The following UBE2K variants were observed in gnomAD, a reference collection of about 807,000 sequenced individuals.
UBE2K encodes ubiquitin conjugating enzyme E2 K.
Under a neutral mutation model 30.0 loss-of-function variants are expected in UBE2K, and 6 were observed. That is an observed-to-expected ratio of 0.20 (90% CI 0.11 to 0.39). UBE2K has a LOEUF of 0.39. Ranked by LOEUF, UBE2K falls within the 10% of genes least tolerant of loss-of-function variation. The pLI is 1.00. For missense variants in UBE2K, 61 were observed against 241.6 expected, an observed-to-expected ratio of 0.25 and a Z score of 4.96; for synonymous variants, 86 against 83.7, an observed-to-expected ratio of 1.03 and a Z score of -0.15.
chr4:39,754,782 A>G (rs1487328534), intron 3 of UBE2K, among the ~76,000 whole-genome samples: 2 of 152,192 alleles, frequency 1.3e-5, no homozygotes, highest in Non-Finnish European at 2.9e-5. Context: ...TTGAGATTAC[A>G]GTGTGTGAGT....
chr4:39,704,541 T>G (rs1165606764), intron 1 of UBE2K, among the ~76,000 whole-genome samples: 1 of 151,950 alleles, frequency 6.6e-6, no homozygotes, highest in Non-Finnish European at 1.5e-5. Context: ...GCTTCTTCCC[T>G]TTTTATTTAT....
intron 4 of UBE2K, 144 bp downstream of exon 4, chr4:39,755,883 G>T: frequency 1.8e-6 from 1 of 553,246 alleles, no homozygotes; most frequent in Admixed American, 3.8e-5. Context: ...GTGCATAACT[G>T]AAAATGCATT....
chr4:39,776,158 C>A (rs992372705), intron 5 of UBE2K, among the ~76,000 whole-genome samples: 1 of 152,188 alleles, frequency 6.6e-6, no homozygotes, highest in African/African-American at 2.4e-5. Flanking sequence ...GGCAGTGTTA[C>A]ATTCAGGTAT....
intron 1 of UBE2K, 127 bp downstream of exon 1, chr4:39,698,517 A>C (rs1717823059): frequency 8.5e-6 from 7 of 826,726 alleles, no homozygotes; most frequent in Non-Finnish European, 1.4e-5. Context: ...GCCTGTGAGG[A>C]AGCAGCAGTG....
At chr4:39,771,100 T>C in intron 4 of UBE2K, 4 of 1,612,670 alleles carry the variant, frequency 2.5e-6, no homozygotes, top group Non-Finnish European at 3.4e-6. Context: ...CACCACGTGC[T>C]CCATCTGCAG....
intron 1 of UBE2K, among the ~76,000 whole-genome samples, chr4:39,701,500 A>G (rs1718008843): frequency 6.6e-6 from 1 of 152,172 alleles, no homozygotes; most frequent in Non-Finnish European, 1.5e-5. Context: ...AGATGAGAAA[A>G]TAGAGATTTA....
chr4:39,731,976 G>A (rs759350052), intron 1 of UBE2K, among the ~76,000 whole-genome samples: 2 of 152,048 alleles, frequency 1.3e-5, no homozygotes, highest in Non-Finnish European at 2.9e-5. Flanking sequence ...TTGAGATTTG[G>A]ATTTAAATTT....
At chr4:39,708,921 CT>C (rs200755048) in intron 1 of UBE2K, among the ~76,000 whole-genome samples, 3,591 of 137,944 alleles carry the variant, frequency 0.026, 100 homozygotes, top group African/African-American at 0.077. Flanking sequence ...TTATTTGTGT[CT>C]TTTTTTTTTT....
At chr4:39,702,133 A>G (rs1718047631) in intron 1 of UBE2K, among the ~76,000 whole-genome samples, 2 of 151,918 alleles carry the variant, frequency 1.3e-5, no homozygotes, top group South Asian at 4.1e-4. Context: ...CCCTTAAATC[A>G]GTGCACTCTC....
chr4:39,757,778 G>A (rs1324364127), intron 4 of UBE2K, among the ~76,000 whole-genome samples: 2 of 152,188 alleles, frequency 1.3e-5, no homozygotes, highest in African/African-American at 4.8e-5. Context: ...TAGAGACATT[G>A]TACTGTTTTC....
chr4:39,698,507 G>T, intron 1 of UBE2K, 117 bp downstream of exon 1: 1 of 909,554 alleles, frequency 1.1e-6, no homozygotes, highest in Non-Finnish European at 1.8e-6. Context: ...CCGCCCTTCT[G>T]CCTGTGAGGA....
intron 1 of UBE2K, among the ~76,000 whole-genome samples, chr4:39,730,555 G>T (rs1578447257): frequency 6.6e-6 from 1 of 151,922 alleles, no homozygotes; most frequent in Non-Finnish European, 1.5e-5. Context: ...AGATCTTGAG[G>T]TCAGGAGTTC....
intron 4 of UBE2K, chr4:39,761,151 A>G (rs572388623): frequency 6.6e-6 from 1 of 152,366 alleles, no homozygotes; most frequent in African/African-American, 2.4e-5. Flanking sequence ...TCTTAGGAAC[A>G]GAGGACCACC....
At chr4:39,757,170 C>T (rs1408560107) in intron 4 of UBE2K, among the ~76,000 whole-genome samples, 1 of 151,826 alleles carries the variant, frequency 6.6e-6, no homozygotes, top group African/African-American at 2.4e-5. Context: ...GGACTACAGG[C>T]GTGCGCCATC....
At chr4:39,777,621 C>T (rs1713352352) in intron 5 of UBE2K, 61 bp from the exon 6 acceptor site, 2 of 1,412,712 alleles carry the variant, frequency 1.4e-6, no homozygotes, top group Admixed American at 2.8e-5. Flanking sequence ...CGATTAAGAG[C>T]TGAAATATAT....
At chr4:39,705,852 G>C (rs558541804) in intron 1 of UBE2K, among the ~76,000 whole-genome samples, 34 of 146,438 alleles carry the variant, frequency 2.3e-4, no homozygotes, top group African/African-American at 7.8e-4. Flanking sequence ...ACCACGCCCA[G>C]CTAATTTTTT....
intron 2 of UBE2K, among the ~76,000 whole-genome samples, chr4:39,742,690 G>A (rs1368756370): frequency 1.3e-5 from 2 of 152,072 alleles, no homozygotes; most frequent in African/African-American, 2.4e-5. Context: ...GCAGTCAGCC[G>A]AGATCGCACC....
At chr4:39,738,100 A>G (rs879886567) in intron 2 of UBE2K, among the ~76,000 whole-genome samples, 1 of 152,220 alleles carries the variant, frequency 6.6e-6, no homozygotes, top group East Asian at 1.9e-4. Context: ...AGATACAGAA[A>G]TAAACCTTAT....
chr4:39,751,679 A>G (rs1268528346), intron 3 of UBE2K, among the ~76,000 whole-genome samples: 1 of 151,910 alleles, frequency 6.6e-6, no homozygotes. Flanking sequence ...TGTCTCAAAA[A>G]TAAATAAAAA....
Sources: allele counts gnomAD v4.1 joint callset (sites outside exome capture counted in the v4.1 genomes callset), GRCh38; gene constraint gnomAD v4.1.1; transcripts MANE v1.5; gene names NCBI Gene and HGNC (gene_info 2026-07-23, HGNC 2026-07-21).